MAPK6: variants seen among roughly 807,000 people sequenced by gnomAD.
The protein encoded by MAPK6 is ERK-3.
Under a neutral mutation model 59.3 loss-of-function variants are expected in MAPK6, and 19 were observed. The observed-to-expected ratio is 0.32, with a 90% CI of 0.22 to 0.47. The LOEUF is 0.47. MAPK6 is among the 20% of genes least tolerant of loss of function. MAPK6 has a pLI of 1.00. For missense variants in MAPK6, 724 were observed against 847.9 expected (o/e 0.85, Z 1.81); for synonymous variants, 316 against 290.3 (o/e 1.09, Z -0.90).
At chr15:52,053,077 T>C (rs2031836124) in intron 3 of MAPK6, among the ~76,000 whole-genome samples, 1 of 150,896 alleles carries the variant, frequency 6.6e-6, no homozygotes, top group Non-Finnish European at 1.5e-5. Context: ...GTGGTTTTTT[T>C]TTTTTTTTTT....
chr15:51,998,713 C>T (rs2057233491), intron 2 of MAPK6, among the ~76,000 whole-genome samples: 2 of 1,934 alleles, frequency 1.0e-3, no homozygotes, highest in African/African-American at 1.3e-3. Flanking sequence ...TTTTTTGAGA[C>T]GGAGTCTCGC....
At chr15:51,981,268 T>G (rs964895866) in intron 1 of MAPK6, among the ~76,000 whole-genome samples, 1 of 151,518 alleles carries the variant, frequency 6.6e-6, no homozygotes, top group Non-Finnish European at 1.5e-5. Flanking sequence ...GGTCAGGAGA[T>G]CAAGACCATC....
intron 3 of MAPK6, among the ~76,000 whole-genome samples, chr15:52,054,382 C>T (rs759127234): frequency 7.7e-5 from 3 of 38,824 alleles, no homozygotes; most frequent in African/African-American, 3.1e-4. Flanking sequence ...GTGGGTGGGA[C>T]GGGAAGGGAT....
intron 3 of MAPK6, among the ~76,000 whole-genome samples, chr15:52,005,136 AC>A (rs2057254308): frequency 6.6e-6 from 1 of 152,052 alleles, no homozygotes; most frequent in Non-Finnish European, 1.5e-5. Flanking sequence ...AACAAACAAA[AC>A]CCCCCAAATA....
intron 2 of MAPK6, 82 bp from the exon 3 acceptor site, chr15:52,049,911 C>G (rs1297157034): frequency 1.2e-5 from 16 of 1,313,192 alleles, no homozygotes; most frequent in East Asian, 7.0e-5. Context: ...CCACGCCTGG[C>G]AAATTAAGGA....
intron 1 of MAPK6, among the ~76,000 whole-genome samples, chr15:51,981,017 T>C (rs1022407859): frequency 1.1e-4 from 16 of 151,938 alleles, no homozygotes; most frequent in African/African-American, 3.6e-4. Flanking sequence ...AGCAAACCCC[T>C]TTCCTGAACC....
intron 3 of MAPK6, among the ~76,000 whole-genome samples, chr15:52,012,935 C>A (rs2141833285): frequency 7.3e-6 from 1 of 137,160 alleles, no homozygotes; most frequent in African/African-American, 2.8e-5. Context: ...TGCAGTGAGA[C>A]AAGATTGTGC....
chr15:51,971,872 G>C lies in MAPK6; in HGVS notation c.-914G>C, dbSNP rs2057128078. On this transcript the variant is annotated 5_prime_UTR_variant, in exon 1 of 8. Transcript: ENST00000691380. ...GACACTCCTTTCCTTACGTGACCTAGTTTTCGCTCGCCCAGTGAACCTGTT... is the reference window on the plus strand; with the variant it reads ...GACACTCCTTTCCTTACGTGACCTACTTTTCGCTCGCCCAGTGAACCTGTT... The C allele has an allele frequency of 3.0e-6, 3 of 993,518 alleles. No homozygotes were observed. In the African/African-American group the frequency reaches 4.8e-5, roughly 16 times the overall value. 61.5% of individuals were successfully genotyped at this position (993,518 alleles called of 1,614,324 possible). A position where few individuals can be genotyped will look rare whatever the true frequency, so the allele number is the denominator to read the frequency against.
intron 1 of MAPK6, among the ~76,000 whole-genome samples, chr15:52,021,763 T>C (rs2030537713): frequency 6.6e-6 from 1 of 152,238 alleles, no homozygotes. Flanking sequence ...GATATGGCTC[T>C]GAATATGAAA....
chr15:52,031,667 C>T (rs915125960), intron 1 of MAPK6, among the ~76,000 whole-genome samples: 1 of 151,996 alleles, frequency 6.6e-6, no homozygotes, highest in Non-Finnish European at 1.5e-5. Context: ...CTTGTCTCTA[C>T]CAAGATAATA....
At chr15:52,037,686 T>G (rs1488139154) in intron 1 of MAPK6, among the ~76,000 whole-genome samples, 1 of 152,160 alleles carries the variant, frequency 6.6e-6, no homozygotes, top group African/African-American at 2.4e-5. Flanking sequence ...AGGGTCCTGG[T>G]GGAATGCCTG....
intron 1 of MAPK6, among the ~76,000 whole-genome samples, chr15:52,036,096 G>T (rs1018595812): frequency 6.6e-6 from 1 of 152,090 alleles, no homozygotes; most frequent in Non-Finnish European, 1.5e-5. Flanking sequence ...TAAGCCAGGT[G>T]GGGTGGTGTG....
intron 1 of MAPK6, among the ~76,000 whole-genome samples, chr15:52,019,673 C>T (rs2030431470): frequency 6.8e-6 from 1 of 147,826 alleles, no homozygotes; most frequent in Non-Finnish European, 1.5e-5. Flanking sequence ...CGCGCCCCTC[C>T]CACCCGGCAC....
intron 1 of MAPK6, among the ~76,000 whole-genome samples, chr15:52,033,406 C>T (rs2031115982): frequency 6.6e-6 from 1 of 152,140 alleles, no homozygotes; most frequent in Admixed American, 6.5e-5. Context: ...GATAAGCTGG[C>T]TTGCTAAGTC....
At position 52,019,283 on chromosome 15, in the gene MAPK6, G is replaced by A. The variant is rs1023647657; in HGVS notation, c.-725G>A. On this transcript the variant is annotated 5_prime_UTR_variant, in exon 1 of 6. Coordinates refer to ENST00000261845, the MANE Select transcript of MAPK6 (RefSeq NM_002748.4). ...CGACTGCGGCAAAGCGAGAGCCTCG[G>A]AGACGCCGCTGCCGCCAGCACAGCC... 1 of 152,110 alleles carries A rather than the reference G, an allele frequency of 6.6e-6. No individual in the cohort carries two copies. Among genetic ancestry groups the A allele is most frequent in the Non-Finnish European group, 1.5e-5 (1 of 67,958 alleles). The allele number at this position is 152,110 out of a possible 1,614,324, so 9.4% of individuals were successfully genotyped here.
intron 3 of MAPK6, among the ~76,000 whole-genome samples, chr15:52,051,043 C>A (rs12324384): frequency 0.017 from 2,602 of 151,886 alleles, 37 homozygotes; most frequent in African/African-American, 0.036. Flanking sequence ...TTTGACATAA[C>A]TTTTTCCCCC....
rs1015202744 is a variant in MAPK6, at chr15:52,043,449, C to G, written c.-631-2381C>G. 4.8e-4 allele frequency among the ~76,000 whole-genome samples: 73 copies of G among 152,044 alleles called. 1 individual carries two copies. Among genetic ancestry groups the G allele is most frequent in the Middle Eastern group, 3.4e-3 (1 of 294 alleles). On this transcript the variant is annotated intron_variant, in intron 1 of 5. Transcript: ENST00000261845. The stretch of plus-strand genomic sequence containing the variant: ...AGTAGCTGGGATTACAGGCACCTAT[C>G]ACCACGCTGGGCTGATTTTTGTATT...
At chr15:51,980,293 T>TA (rs56978128) in intron 1 of MAPK6, among the ~76,000 whole-genome samples, 39 of 142,904 alleles carry the variant, frequency 2.7e-4, no homozygotes, top group South Asian at 2.0e-3. Flanking sequence ...AAAACTGTCT[T>TA]AAAAAAAAAA....
intron 1 of MAPK6, among the ~76,000 whole-genome samples, chr15:52,028,859 T>A: frequency 6.6e-6 from 1 of 152,240 alleles, no homozygotes; most frequent in East Asian, 1.9e-4. Flanking sequence ...TGGCCTCCAT[T>A]CTTACCACTA....
Sources: gnomAD v4.1 joint callset for allele counts (sites outside exome capture counted in the v4.1 genomes callset) on GRCh38, gnomAD v4.1.1 for gene constraint, MANE v1.5 for transcripts, NCBI Gene and HGNC (gene_info 2026-07-23, HGNC 2026-07-21) for gene names.